Variants in CDKL4 observed in about 807,000 individuals in gnomAD.
CDKL4 encodes cyclin-dependent kinase-like 4.
In CDKL4, 44 loss-of-function variants were observed where a neutral mutation model predicts 42.0. The ratio of observed to expected loss-of-function variants is 1.05; its 90% CI spans 0.82 to 1.35. The LOEUF is 1.35. Among genes scored for constraint, CDKL4 ranks in the 40% most tolerant of loss-of-function variants. The pLI is 0.00. For missense variants in CDKL4, 393 were observed against 369.9 expected (o/e 1.06, Z -0.51); for synonymous variants, 120 against 121.6 (o/e 0.99, Z 0.09).
intron 8 of CDKL4, among the ~76,000 whole-genome samples, chr2:39,180,269 T>C (rs538416795): frequency 6.6e-6 from 1 of 152,348 alleles, no homozygotes; most frequent in African/African-American, 2.4e-5. Context: ...ACAGACGACC[T>C]GACAATTATT....
intron 4 of CDKL4, among the ~76,000 whole-genome samples, chr2:39,206,443 T>C (rs1677194146): frequency 6.6e-6 from 1 of 152,158 alleles, no homozygotes; most frequent in South Asian, 2.1e-4. Context: ...TGACCCTGAA[T>C]GAAACAGATG....
intron 7 of CDKL4, among the ~76,000 whole-genome samples, chr2:39,185,441 C>T (rs892639160): frequency 0.012 from 67 of 5,784 alleles, 24 homozygotes; most frequent in Non-Finnish European, 0.038. Flanking sequence ...TGTATATATA[C>T]ATGTATATAT....
intron 3 of CDKL4, among the ~76,000 whole-genome samples, chr2:39,218,718 G>T (rs542579897): frequency 2.4e-4 from 36 of 152,286 alleles, no homozygotes; most frequent in Non-Finnish European, 5.3e-4. Context: ...ATCTTCTCCT[G>T]CCCTTGGATG....
At chr2:39,173,263 T>G (rs1675048384), downstream of CDKL4, among the ~76,000 whole-genome samples, 1 of 152,186 alleles carries the variant, frequency 6.6e-6, no homozygotes, top group Non-Finnish European at 1.5e-5. Context: ...GTATGAGTGG[T>G]TTGGTAATAA....
chr2:39,186,183 T>C (rs1370557780), intron 7 of CDKL4, among the ~76,000 whole-genome samples: 1 of 152,190 alleles, frequency 6.6e-6, no homozygotes, highest in Non-Finnish European at 1.5e-5. Context: ...GTTCAACCTT[T>C]AACCTTATAT....
intron 3 of CDKL4, 115 bp downstream of exon 3, chr2:39,225,724 T>A (rs186572739): frequency 1.0e-4 from 102 of 991,968 alleles, no homozygotes; most frequent in Non-Finnish European, 8.7e-6. Context: ...GGTAGCCAGA[T>A]GCATTGTGGT....
At chr2:39,208,781 A>C (rs1238942483) in intron 4 of CDKL4, among the ~76,000 whole-genome samples, 1 of 143,662 alleles carries the variant, frequency 7.0e-6, no homozygotes, top group Non-Finnish European at 1.5e-5. Flanking sequence ...TTTTAACTTT[A>C]AAATCATCTC....
Position 39,204,515 on chromosome 2 carries a change from A to T in CDKL4, c.454+12T>A. On this transcript the variant is annotated intron_variant, in intron 5 of 9. Transcript: ENST00000451199. ...TCTGAACTGGGTATTAGTAAAAAAA[A>T]TTGCTACTTACTCAGAATTTGTGCA... 6.5e-7 allele frequency: 1 copy of T among 1,531,178 alleles called. No homozygotes were observed. The highest frequency in any genetic ancestry group is 9.0e-7 in the Non-Finnish European group (1 of 1,108,450). 94.8% of individuals were successfully genotyped at this position (1,531,178 alleles called of 1,614,324 possible). A position where few individuals can be genotyped will look rare whatever the true frequency, so the allele number is the denominator to read the frequency against.
At chr2:39,201,436 A>T (rs1447933162) in intron 5 of CDKL4, among the ~76,000 whole-genome samples, 3 of 152,292 alleles carry the variant, frequency 2.0e-5, no homozygotes, top group Admixed American at 1.3e-4. Context: ...CTAAAAGTAG[A>T]TCTACCATTT....
exon 10 of CDKL4, chr2:39,175,798 TTAAAGAAAATATTCTA>T (rs756509207): frequency 2.1e-4 from 64 of 298,412 alleles, no homozygotes; most frequent in Non-Finnish European, 3.8e-4. Context: ...TTTATAACAT[TTAAAGAAAATATTCTA>T]AAAGATAAAG....
At chr2:39,238,048 A>T (rs1297791756) in intron 1 of CDKL4, among the ~76,000 whole-genome samples, 2 of 152,244 alleles carry the variant, frequency 1.3e-5, no homozygotes, top group Admixed American at 6.5e-5. Context: ...CCATTGAAAG[A>T]AATTAAAGAT....
At chr2:39,225,625 T>C (rs984084027) in intron 3 of CDKL4, among the ~76,000 whole-genome samples, 1 of 152,202 alleles carries the variant, frequency 6.6e-6, no homozygotes, top group African/African-American at 2.4e-5. Flanking sequence ...TTCATTTTGA[T>C]TTTATATCTG....
chr2:39,207,910 T>C (rs1677303055), intron 4 of CDKL4, among the ~76,000 whole-genome samples: 2 of 152,100 alleles, frequency 1.3e-5, no homozygotes, highest in Admixed American at 1.3e-4. Flanking sequence ...GAGACCAGCC[T>C]GGCCAACATG....
chr2:39,183,842 G>A (rs1303217541), intron 8 of CDKL4, among the ~76,000 whole-genome samples: 1 of 152,102 alleles, frequency 6.6e-6, no homozygotes, highest in African/African-American at 2.4e-5. Flanking sequence ...GAGGACTTAG[G>A]TTGAAGCACT....
chr2:39,242,044 CT>C (rs74579526), intron 1 of CDKL4, among the ~76,000 whole-genome samples: 759 of 140,992 alleles, frequency 5.4e-3, no homozygotes, highest in Non-Finnish European at 5.6e-3. Context: ...TTTCTTTTTC[CT>C]TTTTTTTTTT....
intron 5 of CDKL4, among the ~76,000 whole-genome samples, chr2:39,191,945 G>A (rs926569612): frequency 1.3e-5 from 2 of 152,350 alleles, no homozygotes; most frequent in Middle Eastern, 3.4e-3. Context: ...TAGCCCCAAA[G>A]ACACTGCCAC....
chr2:39,223,609 C>T (rs1019115214), intron 3 of CDKL4, among the ~76,000 whole-genome samples: 29 of 64,716 alleles, frequency 4.5e-4, no homozygotes, highest in Admixed American at 7.7e-4. Context: ...AGACTTCTGT[C>T]TTCAAAAAAA....
At chr2:39,188,054 C>G (rs962368032) in intron 6 of CDKL4, among the ~76,000 whole-genome samples, 5 of 151,518 alleles carry the variant, frequency 3.3e-5, no homozygotes. Flanking sequence ...GGCGACAGAG[C>G]AAGACTCCAT....
chr2:39,187,212 C>G (rs940290637), intron 7 of CDKL4, among the ~76,000 whole-genome samples: 1 of 152,124 alleles, frequency 6.6e-6, no homozygotes, highest in Non-Finnish European at 1.5e-5. Context: ...TCCCCTCCTG[C>G]CATGATTGTA....
Sources: gnomAD v4.1 joint callset for allele counts (sites outside exome capture counted in the v4.1 genomes callset) on GRCh38, gnomAD v4.1.1 for gene constraint, MANE v1.5 for transcripts, NCBI Gene and HGNC (gene_info 2026-07-23, HGNC 2026-07-21) for gene names.